The following AHNAK variants were observed in gnomAD, a reference collection of about 807,000 sequenced individuals.
AHNAK encodes neuroblast differentiation-associated protein AHNAK.
Under a neutral mutation model 37.8 loss-of-function variants are expected in AHNAK, and 23 were observed. That is an observed-to-expected ratio of 0.61 (90% confidence interval 0.44 to 0.86). The LOEUF (loss-of-function observed/expected upper bound fraction) is 0.86, where lower values mean the gene tolerates loss of function less well. Ranked by LOEUF, AHNAK falls within the 40% of genes least tolerant of loss-of-function variation. The pLI is 0.00. For synonymous variants in AHNAK, 2,481 were observed against 2,636.3 expected (o/e 0.94, Z 1.80); for missense variants, 7,411 against 7,319.4 (o/e 1.01, Z -0.46).
rs1940315075 is a variant in AHNAK at position 62,522,840 on chromosome 11, G to T, written c.11577C>A (p.Pro3859=). The T allele has an allele frequency of 6.2e-7, 1 of 1,612,174 alleles. No homozygotes were observed. The highest frequency in any genetic ancestry group is 1.1e-5 in the South Asian group (1 of 90,968). ...TGTTCATCTCAGGCATCTTGAATTT[G>T]GGACCTTTCAACTTTCCCTCTGGGC... ...IEGPEGKLKG[P]KFKMPEMNIK... Residue 3859 remains proline (P), a synonymous_variant, in exon 5 of 5, where the codon CCC becomes CCA. Coordinates refer to ENST00000378024, the MANE Select transcript of AHNAK (RefSeq NM_001620.3).
intron 5 of AHNAK, among the ~76,000 whole-genome samples, chr11:62,470,942 C>T (rs1054683285): frequency 2.6e-5 from 4 of 152,124 alleles, no homozygotes; most frequent in Non-Finnish European, 4.4e-5. Context: ...GAGACCTGAC[C>T]GTCCCTGCTG....
chr11:62,460,135 AAAAG>A (rs1318166835), intron 5 of AHNAK, among the ~76,000 whole-genome samples: 2 of 149,900 alleles, frequency 1.3e-5, no homozygotes, highest in East Asian at 3.9e-4. Context: ...AAAAAAAAAA[AAAAG>A]AGCTGGGCGT....
chr11:62,509,559 A>G (rs1342853146), intron 4 of AHNAK, among the ~76,000 whole-genome samples: 1 of 152,024 alleles, frequency 6.6e-6, no homozygotes, highest in African/African-American at 2.4e-5. Context: ...TCAAAAAAAA[A>G]AGAAAGAAAG....
intron 5 of AHNAK, among the ~76,000 whole-genome samples, chr11:62,457,241 A>G (rs769144268): frequency 6.6e-6 from 1 of 151,936 alleles, no homozygotes; most frequent in Non-Finnish European, 1.5e-5. Context: ...AGGTCAGGAG[A>G]TCAAGACTAT....
intron 5 of AHNAK, among the ~76,000 whole-genome samples, chr11:62,468,748 G>A (rs113871493): frequency 6.6e-5 from 10 of 152,202 alleles, no homozygotes; most frequent in African/African-American, 9.6e-5. Flanking sequence ...AAGAGTCACT[G>A]CACACCAGCC....
intron 5 of AHNAK, among the ~76,000 whole-genome samples, chr11:62,439,865 G>A (rs1938266811): frequency 6.6e-6 from 1 of 151,578 alleles, no homozygotes; most frequent in Admixed American, 6.6e-5. Context: ...ATGAGGTTTT[G>A]CCATGTTAGC....
intron 5 of AHNAK, among the ~76,000 whole-genome samples, chr11:62,443,988 G>A (rs917066349): frequency 1.3e-5 from 2 of 152,226 alleles, no homozygotes; most frequent in Admixed American, 6.5e-5. Flanking sequence ...GTCTGTGAAC[G>A]GGAGCTGCGA....
intron 3 of AHNAK, among the ~76,000 whole-genome samples, chr11:62,535,563 GC>G (rs1417010014): frequency 1.3e-5 from 2 of 151,872 alleles, no homozygotes; most frequent in East Asian, 3.9e-4. Flanking sequence ...CATAAGAATC[GC>G]TTGAACCCAG....
At chr11:62,479,034 C>T (rs1939206663) in intron 5 of AHNAK, among the ~76,000 whole-genome samples, 1 of 152,056 alleles carries the variant, frequency 6.6e-6, no homozygotes, top group Non-Finnish European at 1.5e-5. Context: ...TGCCACTGCG[C>T]TCGGCTAATT....
chr11:62,437,319 T>A (rs1018035370), intron 5 of AHNAK, among the ~76,000 whole-genome samples: 1 of 152,212 alleles, frequency 6.6e-6, no homozygotes, highest in Non-Finnish European at 1.5e-5. Context: ...TTTTTGTACA[T>A]ACATTATTGT....
rs1174241205 is a variant in AHNAK, at chr11:62,520,102, T to C, written c.14315A>G (p.His4772Arg). The C allele has an allele frequency of 8.1e-6, 13 of 1,612,484 alleles. No homozygotes were observed. Among genetic ancestry groups the C allele is most frequent in the East Asian group, 2.2e-5 (1 of 44,760 alleles). Residue 4772 changes from histidine to arginine, a missense_variant, in exon 5 of 5, where the codon CAT (histidine) becomes CGT (arginine). By Grantham distance (29) the His-to-Arg change is conservative. Transcript: ENST00000378024. ...CATCTTCAGGTGCCAGTCTGGGCCA[T>C]GAACATCCACATCAGGGGTGTTGAT... ...VDINTPDVDV[H>R]GPDWHLKMPK...
At position 62,520,489 on chromosome 11, in the gene AHNAK, A is replaced by T; in HGVS notation, c.13928T>A (p.Val4643Asp). 2 of 1,613,964 alleles carry T rather than the reference A, an allele frequency of 1.2e-6. No homozygotes were observed. Among genetic ancestry groups the T allele is most frequent in the Middle Eastern group, 1.6e-4 (1 of 6,062 alleles). Reference sequence around the variant, plus strand: ...TTTTAGGTGCCAGTCTGGGCCTTGAACGTCCACATCTGGGACATCAATGTC... The same window carrying T: ...TTTTAGGTGCCAGTCTGGGCCTTGATCGTCCACATCTGGGACATCAATGTC... ...KVDIDVPDVD[V>D]QGPDWHLKMP... is the part of the protein sequence containing the mutation. The change falls in exon 5 of 5, where the codon GTT becomes GAT. Residue 4643 changes from valine to aspartate, a missense_variant. Coordinates refer to ENST00000378024, the MANE Select transcript of AHNAK (RefSeq NM_001620.3).
chr11:62,486,225 A>C (rs1939390252), intron 5 of AHNAK, among the ~76,000 whole-genome samples: 1 of 152,228 alleles, frequency 6.6e-6, no homozygotes, highest in South Asian at 2.1e-4. Context: ...CTGTAATCCC[A>C]GCACTTTGGG....
chr11:62,535,425 G>C (rs564316465), intron 3 of AHNAK, among the ~76,000 whole-genome samples: 13 of 152,192 alleles, frequency 8.5e-5, no homozygotes, highest in African/African-American at 3.1e-4. Flanking sequence ...GAGGCAGGTG[G>C]ATCGCCTGAG....
intron 5 of AHNAK, among the ~76,000 whole-genome samples, chr11:62,471,716 G>T (rs1247771113): frequency 6.6e-6 from 1 of 152,224 alleles, no homozygotes; most frequent in Non-Finnish European, 1.5e-5. Context: ...CTGCTTGGGG[G>T]CCAGGCAGCC....
In AHNAK at chr11:62,525,629, C is replaced by T. The variant is rs993823091; in HGVS notation, c.8788G>A (p.Val2930Met). Residue 2930 changes from valine to methionine, a missense_variant, in exon 5 of 5, where the codon GTG (valine) becomes ATG (methionine). Transcript: ENST00000378024. ...KADVDVSGPK[V>M]DVEGPDVNIE... ...TTAACATCAGGGCCTTCAACGTCCA[C>T]TTTGGGGCCTGAGACATCAACGTCA... is the stretch of plus-strand genomic sequence containing the variant. The T allele has an allele frequency of 6.2e-7, 1 of 1,613,850 alleles. No individual in the cohort carries two copies. The highest frequency in any genetic ancestry group is 8.5e-7 in the Non-Finnish European group (1 of 1,179,974).
rs182198867 is a variant in AHNAK at position 62,526,064 on chromosome 11, C to G, written c.8353G>C (p.Asp2785His). The change falls in exon 5 of 5, where the codon GAT (aspartate) becomes CAT (histidine). Residue 2785 changes from aspartate to histidine, a missense_variant. Asp to His is a moderately conservative substitution (Grantham distance 81, BLOSUM62 -1). Transcript: ENST00000378024. Reference protein sequence around the residue: ...SMPGFKGEGPDVDVNLPKADI... With the variant: ...SMPGFKGEGPHVDVNLPKADI... ...GCCTTGGGCAGGTTCACGTCCACAT[C>G]TGGACCTTCTCCTTTGAAGCCAGGC... The G allele has an allele frequency of 3.7e-6, 6 of 1,613,720 alleles. No homozygotes were observed. Among genetic ancestry groups the G allele is most frequent in the Middle Eastern group, 1.7e-4 (1 of 6,058 alleles).
At position 62,520,585 on chromosome 11, in the gene AHNAK, A is replaced by G. The variant is rs1940200438; in HGVS notation, c.13832T>C (p.Met4611Thr). The change falls in exon 5 of 5, where the codon ATG becomes ACG. Residue 4611 changes from methionine (M) to threonine (T), a missense_variant. Coordinates refer to ENST00000378024, the MANE Select transcript of AHNAK (RefSeq NM_001620.3). The part of the protein sequence containing the change: ...NLKGPKVKGD[M>T]DISLPKVEGD... ...TTCCACTTTGGGCAGAGAAATGTCC[A>G]TGTCGCCCTTCACCTTTGGACCTTT... is the stretch of plus-strand genomic sequence containing the variant. 7 of 1,614,038 alleles carry G rather than the reference A, an allele frequency of 4.3e-6. No homozygotes were observed. The highest frequency in any genetic ancestry group is 2.2e-5 in the East Asian group (1 of 44,888).
chr11:62,531,182 G>A lies in AHNAK; in HGVS notation c.3235C>T (p.Pro1079Ser), dbSNP rs760955151. 9.3e-6 allele frequency: 15 copies of A among 1,613,772 alleles called. No homozygotes were observed. The highest frequency in any genetic ancestry group is 3.3e-5 in the South Asian group (3 of 91,056). ...ATATCTACATTTCCTTTCATTTTGG[G>A]TCCTTTAAGATCCAGGTCAACATCT... ...LPDVDLDLKG[P>S]KMKGNVDISA... Residue 1079 changes from proline (P) to serine (S), a missense_variant, in exon 5 of 5, where the codon CCC becomes TCC. Physicochemically the swap from Pro to Ser is moderately conservative, Grantham distance 74 (BLOSUM62 -1). Transcript: ENST00000378024.
Sources: allele counts gnomAD v4.1 joint callset (sites outside exome capture counted in the v4.1 genomes callset), GRCh38; gene constraint gnomAD v4.1.1; transcripts MANE v1.5; gene names NCBI Gene and HGNC (gene_info 2026-07-23, HGNC 2026-07-21).